TMC7: variants seen among roughly 807,000 people sequenced by gnomAD.
TMC7 encodes the protein transmembrane channel like 7.
A neutral mutation model predicts 82.9 loss-of-function variants in TMC7; 54 were observed. That is an observed-to-expected ratio of 0.65 (90% CI 0.52 to 0.82). The LOEUF is 0.82. TMC7 is among the 40% of genes least tolerant of loss of function. The probability of loss-of-function intolerance (pLI) is 0.00; values close to 1 mark genes in which losing one functional copy is unlikely to be tolerated. For synonymous variants in TMC7, 350 were observed against 337.9 expected (o/e 1.04, Z -0.39); for missense variants, 820 against 901.2 (o/e 0.91, Z 1.15).
At chr16:19,059,295 A>C (rs1445752963) in intron 14 of TMC7, 121 bp from the exon 15 acceptor site, 1 of 1,500,502 alleles carries the variant, frequency 6.7e-7, no homozygotes, top group African/African-American at 1.4e-5. Context: ...ATGAGCCATC[A>C]TGCCCAGCCT....
intron 7 of TMC7, among the ~76,000 whole-genome samples, chr16:19,036,184 T>C (rs1196719645): frequency 6.6e-6 from 1 of 152,142 alleles, no homozygotes; most frequent in African/African-American, 2.4e-5. Flanking sequence ...GAGGAGGGAA[T>C]GTTATGACAA....
At chr16:19,054,055 T>C (rs1961660210) in intron 13 of TMC7, among the ~76,000 whole-genome samples, 1 of 152,146 alleles carries the variant, frequency 6.6e-6, no homozygotes, top group South Asian at 2.1e-4. Context: ...TGTTCATCCA[T>C]TTCCTTAAAC....
chr16:19,000,880 T>A (rs1169385704), intron 1 of TMC7, among the ~76,000 whole-genome samples: 2 of 151,772 alleles, frequency 1.3e-5, no homozygotes, highest in Non-Finnish European at 2.9e-5. Flanking sequence ...ATTAACTGGG[T>A]GTGGTGGCAC....
At chr16:18,992,124 G>A (rs2038962712) in intron 1 of TMC7, among the ~76,000 whole-genome samples, 1 of 152,134 alleles carries the variant, frequency 6.6e-6, no homozygotes, top group Non-Finnish European at 1.5e-5. Flanking sequence ...TAATGGGATG[G>A]CTGGGTCAAA....
chr16:19,031,082 C>T (rs1960494632), intron 6 of TMC7, among the ~76,000 whole-genome samples: 1 of 152,148 alleles, frequency 6.6e-6, no homozygotes. Context: ...GGAGCCATGG[C>T]TTAGGAACGA....
intron 5 of TMC7, among the ~76,000 whole-genome samples, chr16:19,025,988 C>T (rs1455166210): frequency 4.0e-5 from 6 of 151,822 alleles, no homozygotes; most frequent in Admixed American, 3.3e-4. Context: ...GTTGCCTAGG[C>T]TGGTCTCGAG....
intron 6 of TMC7, among the ~76,000 whole-genome samples, chr16:19,034,468 GGC>G (rs1015487071): frequency 6.7e-6 from 1 of 148,486 alleles, no homozygotes; most frequent in African/African-American, 2.6e-5. Context: ...CGTGGTGGCA[GGC>G]GCCTGTAATC....
intron 1 of TMC7, among the ~76,000 whole-genome samples, chr16:19,002,912 T>A (rs1027274852): frequency 3.3e-5 from 5 of 152,230 alleles, no homozygotes; most frequent in African/African-American, 1.2e-4. Context: ...ATGATCTTAT[T>A]CTTTAAGGAT....
chr16:19,047,911 A>G (rs1164770949), intron 12 of TMC7, among the ~76,000 whole-genome samples: 799 of 106,438 alleles, frequency 7.5e-3, no homozygotes, highest in Middle Eastern at 0.068. Context: ...ATCTTGGCCA[A>G]GCTGGTCTTG....
At chr16:19,046,581 A>C (rs1227418451) in intron 11 of TMC7, among the ~76,000 whole-genome samples, 1 of 152,142 alleles carries the variant, frequency 6.6e-6, no homozygotes, top group Non-Finnish European at 1.5e-5. Context: ...CACACCCATA[A>C]TCCTAGCACT....
chr16:19,023,658 G>C (rs893743495), intron 5 of TMC7, among the ~76,000 whole-genome samples: 7 of 152,140 alleles, frequency 4.6e-5, no homozygotes, highest in Admixed American at 4.6e-4. Context: ...TGTTGGCCAG[G>C]CTGGTCTGGA....
At chr16:19,021,914 A>G (rs1051382681) in intron 4 of TMC7, 118 bp downstream of exon 4, 25 of 1,257,228 alleles carry the variant, frequency 2.0e-5, no homozygotes, top group Non-Finnish European at 2.4e-5. Context: ...ATTAGTCAGG[A>G]TGGTCTAGGT....
At chr16:19,025,480 ATGGTGGCGGGTGCCTG>A (rs1182221632) in intron 5 of TMC7, among the ~76,000 whole-genome samples, 2 of 151,388 alleles carry the variant, frequency 1.3e-5, no homozygotes, top group Non-Finnish European at 3.0e-5. Flanking sequence ...TTATCCAGGC[ATGGTGGCGGGTGCCTG>A]TAATCCCAGC....
At chr16:19,033,495 C>A (rs1024373191) in intron 6 of TMC7, 3 of 152,272 alleles carry the variant, frequency 2.0e-5, no homozygotes, top group South Asian at 2.1e-4. Flanking sequence ...CAGCTCTGGG[C>A]AACATGGCAA....
intron 15 of TMC7, chr16:19,059,903 G>A: frequency 4.4e-6 from 2 of 452,072 alleles, no homozygotes; most frequent in South Asian, 4.4e-5. Context: ...CTTGAACTCA[G>A]GAGGTGGAGG....
In TMC7 at chr16:19,009,274, A is replaced by G. The variant is rs1296149919; in HGVS notation, c.170A>G (p.His57Arg). The G allele has an allele frequency of 1.2e-6, 2 of 1,614,024 alleles. No individual in the cohort carries two copies. Among genetic ancestry groups the G allele is most frequent in the Admixed American group, 1.7e-5 (1 of 59,994 alleles). ...ATTGCACGTAGGAGAACGACTGTCC[A>G]TTCCCGGGACAAGCAAAGCGGAACT... ...RSIARRRTTVHSRDKQSGTLL... is the reference protein window; with the variant it reads ...RSIARRRTTVRSRDKQSGTLL... Residue 57 changes from histidine to arginine, a missense_variant, in exon 2 of 16, where the codon CAT (histidine) becomes CGT (arginine). This residue lies in a region of TMC7 where 650 missense variants were observed against 669.9 expected (regional missense o/e 0.97). Coordinates refer to ENST00000304381, the MANE Select transcript of TMC7 (RefSeq NM_024847.4).
intron 6 of TMC7, among the ~76,000 whole-genome samples, chr16:19,034,773 G>A (rs1960669902): frequency 6.6e-6 from 1 of 152,126 alleles, no homozygotes; most frequent in South Asian, 2.1e-4. Context: ...CATCCTTGGG[G>A]ATGGTAGTGG....
At chr16:19,008,325 A>G (rs1336496756) in intron 1 of TMC7, among the ~76,000 whole-genome samples, 1 of 152,164 alleles carries the variant, frequency 6.6e-6, no homozygotes, top group Non-Finnish European at 1.5e-5. Flanking sequence ...TATAGAAACG[A>G]TAAGGGTTTT....
rs368540621 is a variant in TMC7, at chr16:19,011,874, G to A, written c.311+2459G>A. Among the ~76,000 whole-genome samples the A allele has an allele frequency of 5.9e-5, 9 of 152,254 alleles. 1 individual carries two copies. The South Asian group carries it at 1.9e-3, about 32-fold the overall frequency. On this transcript the variant is annotated intron_variant, in intron 2 of 15. Transcript: ENST00000304381. Reference sequence around the variant, plus strand: ...TAAATGTATTTTAGCTGGCACAGTGGCTTACACCTGTAGTCCCAGCACTTT... The same window carrying A: ...TAAATGTATTTTAGCTGGCACAGTGACTTACACCTGTAGTCCCAGCACTTT...
Sources: gnomAD v4.1 joint callset for allele counts (sites outside exome capture counted in the v4.1 genomes callset) on GRCh38, gnomAD v4.1.1 for gene constraint, gnomAD v4.1.1 regional missense constraint, MANE v1.5 for transcripts, NCBI Gene and HGNC (gene_info 2026-07-23, HGNC 2026-07-21) for gene names.